Variants in IQCH observed in about 807,000 individuals in gnomAD.
IQCH encodes IQ motif containing H, also known as IQ domain-containing protein H.
A neutral mutation model predicts 117.0 loss-of-function variants in IQCH; 98 were observed. That is an observed-to-expected ratio of 0.84 (90% CI 0.71 to 0.99). IQCH has a LOEUF of 0.99. Ranked by LOEUF, IQCH falls within the 50% of genes least tolerant of loss-of-function variation. IQCH has a pLI of 0.00. For missense variants in IQCH, 1,102 were observed against 1,243.8 expected (o/e 0.89, Z 1.72); for synonymous variants, 412 against 448.2 (o/e 0.92, Z 1.02).
rs36050088 is a variant in IQCH, at chr15:67,474,067, AGTGTGTGTGT to A, written c.2677-1601_2677-1592del. ...GTCACCAAAAGTGCCACGAAATCTG[AGTGTGTGTGT>A]GTGTGTGTGTGTGTGTGTGTGTGTG... On this transcript the variant is annotated intron_variant, in intron 17 of 20. Transcript: ENST00000335894. The surrounding 1 kb of genome is among the most constrained non-coding windows in gnomAD (Gnocchi z 4.1). 1.4e-3 allele frequency among the ~76,000 whole-genome samples: 190 copies of A among 138,314 alleles called. 1 individual carries two copies. Among genetic ancestry groups the A allele is most frequent in the Middle Eastern group, 3.5e-3 (1 of 284 alleles). The allele number at this position is 138,314 out of a possible 152,430, so 90.7% of individuals were successfully genotyped here. A position where few individuals can be genotyped will look rare whatever the true frequency, so the allele number is the denominator to read the frequency against.
At chr15:67,400,051 A>T in intron 13 of IQCH, 63 bp from the exon 14 acceptor site, 1 of 1,341,500 alleles carries the variant, frequency 7.5e-7, no homozygotes, top group Non-Finnish European at 1.1e-6. Flanking sequence ...CTAAGTTGTT[A>T]CGATAAAAAG....
Position 67,490,451 on chromosome 15 carries a change from A to G in IQCH, c.2861+387A>G, listed in dbSNP as rs2083618204. On this transcript the variant is annotated intron_variant, in intron 19 of 20. Transcript: ENST00000335894. The surrounding 1 kb of genome is among the most constrained non-coding windows in gnomAD (Gnocchi z 4.9). ...GATCTCTTGACCTCGTGATGCACCC[A>G]CCTGGGCCTCTCAAAGTGCTGGGAT... Among the ~76,000 whole-genome samples the G allele has an allele frequency of 6.6e-6, 1 of 152,076 alleles. No homozygotes were observed.
intron 8 of IQCH, among the ~76,000 whole-genome samples, chr15:67,368,714 A>T (rs986471977): frequency 3.3e-5 from 5 of 152,232 alleles, no homozygotes. Flanking sequence ...ATGTGGTATT[A>T]TCCCAAATAC....
intron 4 of IQCH, among the ~76,000 whole-genome samples, chr15:67,320,909 T>C (rs1192377652): frequency 6.6e-6 from 1 of 152,210 alleles, no homozygotes; most frequent in Non-Finnish European, 1.5e-5. Flanking sequence ...TTAAGCCACC[T>C]GGAGTCACTA....
rs1218244353 is a variant in IQCH, at chr15:67,342,167, T to C, written c.509-1896T>C. 6.6e-6 allele frequency among the ~76,000 whole-genome samples: 1 copy of C among 151,414 alleles called. No individual in the cohort carries two copies. The highest frequency in any genetic ancestry group is 1.5e-5 in the Non-Finnish European group (1 of 67,920). On this transcript the variant is annotated intron_variant, in intron 5 of 20. Coordinates refer to ENST00000335894, the MANE Select transcript of IQCH (RefSeq NM_001031715.3). The surrounding 1 kb of genome is among the most constrained non-coding windows in gnomAD (Gnocchi z 4.7). ...TTCCAATAGTTTAAGCTACCAAGGATAAGGCAGGAGGATCACTTTAGCCCA... is the reference window on the plus strand; with the variant it reads ...TTCCAATAGTTTAAGCTACCAAGGACAAGGCAGGAGGATCACTTTAGCCCA...
intron 5 of IQCH, among the ~76,000 whole-genome samples, chr15:67,340,149 C>T (rs1969080217): frequency 6.6e-6 from 1 of 152,014 alleles, no homozygotes; most frequent in Non-Finnish European, 1.5e-5. Flanking sequence ...GACTCGTCGG[C>T]CAGCACATTG....
At position 67,494,520 on chromosome 15, in the gene IQCH, CTGAGGCTGTTAG is replaced by C. The variant is rs2083752861; in HGVS notation, c.2970+156_2970+167del. 6.6e-6 allele frequency among the ~76,000 whole-genome samples: 1 copy of C among 152,160 alleles called. No homozygotes were observed. The highest frequency in any genetic ancestry group is 1.5e-5 in the Non-Finnish European group (1 of 68,042). On this transcript the variant is annotated intron_variant, in intron 20 of 20. Coordinates refer to ENST00000335894, the MANE Select transcript of IQCH (RefSeq NM_001031715.3). This position sits in a 1 kb window ranked among gnomAD's most constrained non-coding sequence, Gnocchi z 5.5. ...CAGGGTCAATACTGTAAGGTTCCCA[CTGAGGCTGTTAG>C]TTAAATTTAATAGTTTGAAACTTTT...
chr15:67,258,085 G>A (rs11631134), intron 1 of IQCH, among the ~76,000 whole-genome samples: 2 of 151,998 alleles, frequency 1.3e-5, no homozygotes, highest in African/African-American at 4.8e-5. Context: ...ACAAAAATTA[G>A]CTAGGTGTGG....
At chr15:67,264,296 G>T (rs1312661572) in intron 3 of IQCH, among the ~76,000 whole-genome samples, 1 of 151,068 alleles carries the variant, frequency 6.6e-6, no homozygotes, top group Non-Finnish European at 1.5e-5. Flanking sequence ...TGTTGTTTAA[G>T]AAATCACTCA....
chr15:67,406,249 G>A lies in IQCH; in HGVS notation c.2097+5944G>A, dbSNP rs918882865. The A allele has an allele frequency of 2.0e-5, 3 of 152,202 alleles. No individual in the cohort carries two copies. Among genetic ancestry groups the A allele is most frequent in the Non-Finnish European group, 1.5e-5 (1 of 68,048 alleles). The allele number at this position is 152,202 out of a possible 1,614,324, so 9.4% of individuals were successfully genotyped here. On this transcript the variant is annotated intron_variant, in intron 14 of 20. Transcript: ENST00000335894. The surrounding 1 kb of genome is among the most constrained non-coding windows in gnomAD (Gnocchi z 4.5). ...ATTTAAAACCCTTGTTTTTAGCCCA[G>A]TGCAGTCGATCACTCCTGTAATATT...
At chr15:67,285,949 A>T (rs1344625702) in intron 4 of IQCH, among the ~76,000 whole-genome samples, 1 of 152,026 alleles carries the variant, frequency 6.6e-6, no homozygotes, top group African/African-American at 2.4e-5. Flanking sequence ...AAATTTTAAG[A>T]TTGTTTTTTC....
At chr15:67,341,446 G>A (rs4238407) in intron 5 of IQCH, among the ~76,000 whole-genome samples, 31,873 of 152,064 alleles carry the variant, frequency 0.21, 4,073 homozygotes, top group East Asian at 0.47. Flanking sequence ...GGAATAACTT[G>A]CCATCCATAA....
chr15:67,276,356 C>G (rs3886878), intron 3 of IQCH, among the ~76,000 whole-genome samples: 58 of 152,306 alleles, frequency 3.8e-4, no homozygotes, highest in African/African-American at 1.4e-3. Flanking sequence ...TTAAAAGACT[C>G]TGAAAGACGG....
intron 20 of IQCH, among the ~76,000 whole-genome samples, chr15:67,495,424 A>G (rs1306298170): frequency 6.6e-6 from 1 of 152,236 alleles, no homozygotes; most frequent in Admixed American, 6.5e-5. Flanking sequence ...GCTGGTCTCA[A>G]GCTCCTGAGC....
chr15:67,307,777 C>G (rs139379818), intron 4 of IQCH, among the ~76,000 whole-genome samples: 1 of 152,248 alleles, frequency 6.6e-6, no homozygotes, highest in Non-Finnish European at 1.5e-5. Context: ...GTTAACTTAA[C>G]AGATGACTGT....
intron 8 of IQCH, among the ~76,000 whole-genome samples, chr15:67,362,170 C>T (rs1004490547): frequency 6.8e-6 from 1 of 147,646 alleles, no homozygotes; most frequent in African/African-American, 2.5e-5. Context: ...CACACACACA[C>T]ATACACACGT....
intron 18 of IQCH, among the ~76,000 whole-genome samples, chr15:67,477,137 G>A (rs1340286147): frequency 2.3e-5 from 3 of 130,520 alleles, no homozygotes; most frequent in Admixed American, 9.3e-5. Flanking sequence ...TGCAACCTCC[G>A]CCTCCTGGGT....
At position 67,269,652 on chromosome 15, in the gene IQCH, C is replaced by T. The variant is rs1043494916; in HGVS notation, c.269+6436C>T. Among the ~76,000 whole-genome samples the T allele has an allele frequency of 3.3e-5, 5 of 152,136 alleles. No individual in the cohort carries two copies. In the East Asian group the frequency reaches 7.7e-4, roughly 24 times the overall value. On this transcript the variant is annotated intron_variant, in intron 3 of 20. Coordinates refer to ENST00000335894, the MANE Select transcript of IQCH (RefSeq NM_001031715.3). ...TCAACCACCCCTCATCCCTCTCCTC[C>T]TTGCCTCTGGTAACCACCAATCTAC... is the stretch of plus-strand genomic sequence containing the variant.
Position 67,432,161 on chromosome 15 carries a change from C to A in IQCH, c.2505+10584C>A, listed in dbSNP as rs945025852. On this transcript the variant is annotated intron_variant, in intron 16 of 20. Coordinates refer to ENST00000335894, the MANE Select transcript of IQCH (RefSeq NM_001031715.3). This position sits in a 1 kb window ranked among gnomAD's most constrained non-coding sequence, Gnocchi z 5.0. Reference sequence around the variant, plus strand: ...AAAAGGAAATTAAAGAAAATCCAAGCTTTAAGAAGAATTGATATGAAAACT... The same window carrying A: ...AAAAGGAAATTAAAGAAAATCCAAGATTTAAGAAGAATTGATATGAAAACT... Among the ~76,000 whole-genome samples the A allele has an allele frequency of 3.3e-5, 5 of 152,036 alleles. No homozygotes were observed. The highest frequency in any genetic ancestry group is 1.2e-4 in the African/African-American group (5 of 41,384).
Sources: gnomAD v4.1 joint callset for allele counts (sites outside exome capture counted in the v4.1 genomes callset) on GRCh38, gnomAD v4.1.1 for gene constraint, Gnocchi (gnomAD v3.1) non-coding constraint, MANE v1.5 for transcripts, NCBI Gene and HGNC (gene_info 2026-07-23, HGNC 2026-07-21) for gene names.